GRM7: variants seen among roughly 807,000 people sequenced by gnomAD.
The protein encoded by GRM7 is glutamate metabotropic receptor 7, also known as metabotropic glutamate receptor 7.
Under a neutral mutation model 84.5 loss-of-function variants are expected in GRM7, and 35 were observed. The observed-to-expected ratio is 0.41, with a 90% CI of 0.32 to 0.55. The LOEUF is 0.55. GRM7 is among the 20% of genes least tolerant of loss of function. The pLI is 0.19. For synonymous variants in GRM7, 487 were observed against 455.1 expected (o/e 1.07, Z -0.89); for missense variants, 1,003 against 1,194.6 (o/e 0.84, Z 2.36).
intron 9 of GRM7, among the ~76,000 whole-genome samples, chr3:7,720,892 G>A (rs1261964964): frequency 3.3e-5 from 5 of 152,126 alleles, no homozygotes; most frequent in African/African-American, 7.2e-5. Context: ...CAGAAAAGGC[G>A]GGGATATCTG....
At chr3:7,444,026 C>A (rs1355426735) in intron 5 of GRM7, among the ~76,000 whole-genome samples, 1 of 152,176 alleles carries the variant, frequency 6.6e-6, no homozygotes, top group Admixed American at 6.5e-5. Flanking sequence ...GTGTTGTCAA[C>A]CTGATCTATT....
intron 5 of GRM7, among the ~76,000 whole-genome samples, chr3:7,425,104 G>A (rs1032795854): frequency 6.6e-5 from 10 of 152,082 alleles, no homozygotes; most frequent in African/African-American, 1.7e-4. Context: ...CGGTAACTTC[G>A]TAGTTTTGCT....
chr3:7,181,603 A>ATATT (rs1165394287), intron 2 of GRM7, among the ~76,000 whole-genome samples: 11 of 151,842 alleles, frequency 7.2e-5, no homozygotes, highest in African/African-American at 2.2e-4. Flanking sequence ...ATGATTTAAA[A>ATATT]TATTTATTTA....
intron 2 of GRM7, among the ~76,000 whole-genome samples, chr3:7,289,658 C>T (rs1699550001): frequency 6.6e-6 from 1 of 152,114 alleles, no homozygotes; most frequent in Non-Finnish European, 1.5e-5. Context: ...CACATATACA[C>T]CATGGAATAC....
At chr3:7,463,254 G>A (rs1698322826) in intron 7 of GRM7, among the ~76,000 whole-genome samples, 1 of 152,032 alleles carries the variant, frequency 6.6e-6, no homozygotes, top group African/African-American at 2.4e-5. Flanking sequence ...CATATAATTT[G>A]TCCAATATCC....
intron 1 of GRM7, among the ~76,000 whole-genome samples, chr3:6,898,180 A>G (rs751557081): frequency 6.6e-6 from 1 of 152,180 alleles, no homozygotes; most frequent in African/African-American, 2.4e-5. Context: ...GTCAGCTGTA[A>G]AATCACTTGT....
intron 1 of GRM7, among the ~76,000 whole-genome samples, chr3:6,996,030 T>A (rs1171852757): frequency 1.3e-5 from 2 of 151,838 alleles, no homozygotes; most frequent in Non-Finnish European, 2.9e-5. Flanking sequence ...TGACATGTCC[T>A]TTTCTGTGTT....
chr3:7,460,312 A>G (rs1338531492), intron 6 of GRM7, among the ~76,000 whole-genome samples: 1 of 152,080 alleles, frequency 6.6e-6, no homozygotes, highest in Admixed American at 6.6e-5. Context: ...AGCTCCCCAG[A>G]CAAATGTATT....
intron 1 of GRM7, among the ~76,000 whole-genome samples, chr3:7,085,113 C>T (rs555318260): frequency 6.6e-6 from 1 of 152,234 alleles, no homozygotes; most frequent in African/African-American, 2.4e-5. Flanking sequence ...ATTTTAATGG[C>T]AGTGGTACCA....
chr3:7,371,959 G>A (rs934472480), intron 4 of GRM7, among the ~76,000 whole-genome samples: 3 of 152,168 alleles, frequency 2.0e-5, no homozygotes, highest in Admixed American at 6.6e-5. Flanking sequence ...TCTTAAAGCA[G>A]TAAAAGATGC....
chr3:7,014,331 C>T (rs982655214), intron 1 of GRM7, among the ~76,000 whole-genome samples: 1 of 151,818 alleles, frequency 6.6e-6, no homozygotes, highest in Non-Finnish European at 1.5e-5. Context: ...TTTATTTATT[C>T]ATTTTATTTA....
rs548269811 is a variant in GRM7, at chr3:7,406,642, G to C, written c.1034-8381G>C. ...TCTCTCCTGAATTTTTGTTGTGATG[G>C]GGCATTTTAAATCAAAGCTGAGACA... On this transcript the variant is annotated intron_variant, in intron 4 of 9. Transcript: ENST00000357716. 5.9e-5 allele frequency among the ~76,000 whole-genome samples: 9 copies of C among 152,104 alleles called. No individual in the cohort carries two copies. The East Asian group carries it at 1.7e-3, about 29-fold the overall frequency.
chr3:7,151,263 C>G lies in GRM7; in HGVS notation c.736+4595C>G, dbSNP rs1694279967. ...CTCTACTAAAAATACAAAAATTAAC[C>G]TGGCATGGTGGCATGCACCTGTAAT... On this transcript the variant is annotated intron_variant, in intron 2 of 9. Coordinates refer to ENST00000357716, the MANE Select transcript of GRM7 (RefSeq NM_000844.4). This position sits in a 1 kb window ranked among gnomAD's most constrained non-coding sequence, Gnocchi z 4.5. Among the ~76,000 whole-genome samples the G allele has an allele frequency of 6.6e-6, 1 of 152,032 alleles. No homozygotes were observed. The highest frequency in any genetic ancestry group is 2.4e-5 in the African/African-American group (1 of 41,406).
At chr3:7,143,111 G>A (rs995405218) in intron 1 of GRM7, among the ~76,000 whole-genome samples, 6 of 152,104 alleles carry the variant, frequency 3.9e-5, no homozygotes, top group Admixed American at 3.3e-4. Context: ...AGGTCCAATA[G>A]CAGCAAGAGA....
chr3:6,901,968 CTGTCT>C, intron 1 of GRM7, among the ~76,000 whole-genome samples: 1 of 152,006 alleles, frequency 6.6e-6, no homozygotes. Flanking sequence ...AAGAACTTGT[CTGTCT>C]TAAGAACTTT....
chr3:7,693,970 A>T (rs571155822), intron 9 of GRM7, among the ~76,000 whole-genome samples: 5 of 152,164 alleles, frequency 3.3e-5, no homozygotes, highest in Admixed American at 2.6e-4. Context: ...ACTGTGATCT[A>T]TTGTTCTACT....
chr3:7,655,997 G>T (rs1699161850), intron 8 of GRM7, among the ~76,000 whole-genome samples: 1 of 152,168 alleles, frequency 6.6e-6, no homozygotes, highest in Admixed American at 6.5e-5. Flanking sequence ...CCCATAAAAT[G>T]AGAATAATGA....
At chr3:7,235,192 G>A (rs932299200) in intron 2 of GRM7, among the ~76,000 whole-genome samples, 3 of 152,176 alleles carry the variant, frequency 2.0e-5, no homozygotes, top group African/African-American at 7.2e-5. Context: ...GGATCTGCGA[G>A]TGCCTTCCTT....
rs114533760 is a variant in GRM7, at chr3:7,010,980, T to G, written c.520-135472T>G. Among the ~76,000 whole-genome samples the G allele has an allele frequency of 5.7e-3, 874 of 152,288 alleles. 8 individuals carry two copies. Among genetic ancestry groups the G allele is most frequent in the African/African-American group, 0.02 (813 of 41,552 alleles). ...TCCAGTTCTCTCAAAGTGCATGAGT[T>G]GAGAACTAGCTTGAGAAACAGTGCA... is the stretch of plus-strand genomic sequence containing the variant. On this transcript the variant is annotated intron_variant, in intron 1 of 9. Coordinates refer to ENST00000357716, the MANE Select transcript of GRM7 (RefSeq NM_000844.4).
Sources: gnomAD v4.1 joint callset for allele counts (sites outside exome capture counted in the v4.1 genomes callset) on GRCh38, gnomAD v4.1.1 for gene constraint, Gnocchi (gnomAD v3.1) non-coding constraint, MANE v1.5 for transcripts, NCBI Gene and HGNC (gene_info 2026-07-23, HGNC 2026-07-21) for gene names.